The following WDR27 variants were observed in gnomAD, a reference collection of about 807,000 sequenced individuals.
WDR27 encodes WD repeat domain 27, also known as WD repeat-containing protein 27.
Under a neutral mutation model 114.4 loss-of-function variants are expected in WDR27, and 100 were observed. The observed-to-expected ratio is 0.87, with a 90% confidence interval of 0.74 to 1.03. The LOEUF is 1.03. WDR27 is among the 50% of genes least tolerant of loss of function. The probability of loss-of-function intolerance (pLI) is 0.00; values close to 1 mark genes in which losing one functional copy is unlikely to be tolerated. For missense variants in WDR27, 1,129 were observed against 1,092.9 expected (o/e 1.03, Z -0.47); for synonymous variants, 449 against 423.1 (o/e 1.06, Z -0.75).
At chr6:169,674,566 A>G (rs1585085367) in intron 2 of WDR27, among the ~76,000 whole-genome samples, 1 of 152,256 alleles carries the variant, frequency 6.6e-6, no homozygotes, top group Non-Finnish European at 1.5e-5. Flanking sequence ...TAACCATGAA[A>G]GAGTATCAGT....
the WDR27 span, among the ~76,000 whole-genome samples, chr6:169,445,535 G>A: frequency 1.3e-5 from 2 of 152,226 alleles, no homozygotes; most frequent in African/African-American, 2.4e-5. Flanking sequence ...GAGTTAATGT[G>A]TAGATAGTGG....
chr6:169,466,410 G>A (rs776997945), intron 25 of WDR27, among the ~76,000 whole-genome samples: 14 of 152,170 alleles, frequency 9.2e-5, no homozygotes, highest in Non-Finnish European at 1.5e-4. Context: ...AAGCAAACAC[G>A]TCCTTCTTCA....
chr6:169,463,246 G>T (rs77969629), intron 25 of WDR27, among the ~76,000 whole-genome samples: 1,982 of 152,288 alleles, frequency 0.013, 42 homozygotes, highest in African/African-American at 0.041. Flanking sequence ...GCAGAGGGGG[G>T]TGTCAAACTT....
chr6:169,678,052 GA>G (rs1483494670), intron 2 of WDR27, among the ~76,000 whole-genome samples: 1 of 152,256 alleles, frequency 6.6e-6, no homozygotes, highest in Non-Finnish European at 1.5e-5. Context: ...ATGCCAAGGG[GA>G]AATGTGGAGT....
chr6:169,433,023 G>A, the WDR27 span, among the ~76,000 whole-genome samples: 32 of 152,342 alleles, frequency 2.1e-4, no homozygotes, highest in South Asian at 5.0e-3. Flanking sequence ...CTCAGATGGA[G>A]ATGAGGAACT....
At chr6:169,517,327 C>A (rs936643488) in intron 25 of WDR27, among the ~76,000 whole-genome samples, 2 of 152,156 alleles carry the variant, frequency 1.3e-5, no homozygotes, top group Non-Finnish European at 2.9e-5. Flanking sequence ...AACCATGAGC[C>A]AATTAAACCT....
intron 25 of WDR27, among the ~76,000 whole-genome samples, chr6:169,500,553 C>T (rs1791048312): frequency 6.6e-6 from 1 of 152,152 alleles, no homozygotes; most frequent in African/African-American, 2.4e-5. Context: ...AGGCATCACG[C>T]AGAGAGGGCC....
intron 25 of WDR27, among the ~76,000 whole-genome samples, chr6:169,532,200 A>G (rs1294099387): frequency 1.4e-5 from 2 of 147,136 alleles, no homozygotes; most frequent in African/African-American, 5.4e-5. Context: ...TTTCAAACTT[A>G]TATTTTTTCA....
At chr6:169,473,600 T>C (rs1786728873) in intron 25 of WDR27, among the ~76,000 whole-genome samples, 1 of 152,090 alleles carries the variant, frequency 6.6e-6, no homozygotes, top group South Asian at 2.1e-4. Context: ...GAAACCCAAC[T>C]TGCACTAGTT....
At chr6:169,616,956 GC>G (rs1173653507) in intron 21 of WDR27, among the ~76,000 whole-genome samples, 3 of 152,148 alleles carry the variant, frequency 2.0e-5, no homozygotes, top group African/African-American at 7.2e-5. Context: ...AATAGTGCAT[GC>G]CCAAACTGGT....
At chr6:169,514,749 A>C (rs1429004646) in intron 25 of WDR27, among the ~76,000 whole-genome samples, 1 of 121,894 alleles carries the variant, frequency 8.2e-6, no homozygotes, top group Non-Finnish European at 1.6e-5. Flanking sequence ...TATAACAGAA[A>C]AAAAGAGAAT....
chr6:169,526,415 C>G (rs908574647), intron 25 of WDR27, among the ~76,000 whole-genome samples: 1 of 152,068 alleles, frequency 6.6e-6, no homozygotes, highest in African/African-American at 2.4e-5. Context: ...GAGTTCAAGA[C>G]CAGCCTGGCC....
Position 169,676,557 on chromosome 6 carries a change from A to G in WDR27, c.190-4161T>C, listed in dbSNP as rs1780114071. Among the ~76,000 whole-genome samples, 4 of 152,308 alleles carry G rather than the reference A, an allele frequency of 2.6e-5. No homozygotes were observed. In the South Asian group the frequency reaches 8.3e-4, roughly 32 times the overall value. Reference sequence around the variant, plus strand: ...TTTTTCCTGATCCAGAAGAGTAACCACTAAGACTCTGGCACTTTTTAAGTC... The same window carrying G: ...TTTTTCCTGATCCAGAAGAGTAACCGCTAAGACTCTGGCACTTTTTAAGTC... On this transcript the variant is annotated intron_variant, in intron 2 of 25. Coordinates refer to ENST00000448612, the MANE Select transcript of WDR27 (RefSeq NM_182552.5).
Position 169,634,450 on chromosome 6 carries a change from C to A in WDR27, c.2079G>T (p.Ser693=), listed in dbSNP as rs752364602. 1 of 1,612,616 alleles carries A rather than the reference C, an allele frequency of 6.2e-7. No homozygotes were observed. Among genetic ancestry groups the A allele is most frequent in the South Asian group, 1.1e-5 (1 of 90,668 alleles). ...TACGGGAATAAAAGTCGTTGACTGC[C>A]GATAAACTGGTCATGTCTACTGCAC... The part of the protein sequence containing the change: ...TTGAVDMTSL[S]AVNDFYSHIV... Residue 693 remains serine, a synonymous_variant, in exon 20 of 26, where the codon TCG becomes TCT. Coordinates refer to ENST00000448612, the MANE Select transcript of WDR27 (RefSeq NM_182552.5).
chr6:169,458,842 C>T (rs924637653), intron 25 of WDR27, among the ~76,000 whole-genome samples: 3 of 150,614 alleles, frequency 2.0e-5, no homozygotes, highest in Non-Finnish European at 4.4e-5. Context: ...ACTGTGCATA[C>T]CACAGGAAAG....
At chr6:169,426,959 G>C in the WDR27 span, 1 of 145,370 alleles carries the variant, frequency 6.9e-6, no homozygotes, top group East Asian at 2.0e-4. Flanking sequence ...GCAGTGCTGT[G>C]GTGGTGGGGG....
At chr6:169,564,844 AGGTAACCAAACGC>A (rs892066532) in intron 25 of WDR27, among the ~76,000 whole-genome samples, 2 of 116,628 alleles carry the variant, frequency 1.7e-5, no homozygotes, top group Admixed American at 1.0e-4. Flanking sequence ...GATGTGCCTC[AGGTAACCAAACGC>A]GTGAGTGAGT....
intron 25 of WDR27, among the ~76,000 whole-genome samples, chr6:169,509,893 C>T (rs140598448): frequency 1.5e-3 from 226 of 152,292 alleles, no homozygotes; most frequent in African/African-American, 4.3e-3. Flanking sequence ...TGACAAAGAG[C>T]TTATATCCAG....
chr6:169,534,766 G>A (rs1796023986), intron 25 of WDR27, among the ~76,000 whole-genome samples: 1 of 151,646 alleles, frequency 6.6e-6, no homozygotes, highest in African/African-American at 2.4e-5. Context: ...TTAGTAATTT[G>A]AGTCTTCTCT....
Sources: allele counts gnomAD v4.1 joint callset (sites outside exome capture counted in the v4.1 genomes callset), GRCh38; gene constraint gnomAD v4.1.1; transcripts MANE v1.5; gene names NCBI Gene and HGNC (gene_info 2026-07-23, HGNC 2026-07-21).